The following KCNH7 variants were observed in gnomAD, a reference collection of about 807,000 sequenced individuals.
The protein encoded by KCNH7 is voltage-gated inwardly rectifying potassium channel KCNH7.
Under a neutral mutation model 120.8 loss-of-function variants are expected in KCNH7, and 49 were observed. The ratio of observed to expected loss-of-function variants is 0.41; its 90% CI spans 0.32 to 0.51. The LOEUF (loss-of-function observed/expected upper bound fraction) is 0.51. Among genes scored for constraint, KCNH7 ranks in the 20% least tolerant of loss-of-function variants. The pLI is 0.38. For synonymous variants in KCNH7, 547 were observed against 516.1 expected (o/e 1.06, Z -0.81); for missense variants, 1,097 against 1,446.6 (o/e 0.76, Z 3.92).
At chr2:162,629,318 T>C (rs930951810) in intron 2 of KCNH7, among the ~76,000 whole-genome samples, 2 of 151,974 alleles carry the variant, frequency 1.3e-5, no homozygotes, top group African/African-American at 4.8e-5. Context: ...GGCCATTACT[T>C]CCCCCACCAT....
At chr2:162,760,105 T>C (rs1688917368) in intron 2 of KCNH7, among the ~76,000 whole-genome samples, 1 of 152,158 alleles carries the variant, frequency 6.6e-6, no homozygotes, top group Non-Finnish European at 1.5e-5. Flanking sequence ...GTGTAGCTTA[T>C]GATAGCTAGC....
intron 6 of KCNH7, among the ~76,000 whole-genome samples, chr2:162,470,235 C>T (rs1689462606): frequency 6.6e-6 from 1 of 151,934 alleles, no homozygotes; most frequent in Non-Finnish European, 1.5e-5. Context: ...CCTCTCTGCC[C>T]GGCCGCCATC....
intron 2 of KCNH7, among the ~76,000 whole-genome samples, chr2:162,741,665 T>C (rs915045264): frequency 6.6e-6 from 1 of 152,148 alleles, no homozygotes; most frequent in Admixed American, 6.5e-5. Context: ...ATTTCCCTTT[T>C]AAGAAATATG....
At chr2:162,832,042 A>G (rs1685495940) in intron 2 of KCNH7, among the ~76,000 whole-genome samples, 2 of 152,192 alleles carry the variant, frequency 1.3e-5, no homozygotes, top group Non-Finnish European at 2.9e-5. Flanking sequence ...TCTGGATAAC[A>G]TTCAAAGTCC....
intron 4 of KCNH7, 53 bp downstream of exon 4, chr2:162,517,677 A>C: frequency 7.4e-7 from 1 of 1,348,310 alleles, no homozygotes; most frequent in African/African-American, 1.5e-5. Flanking sequence ...TATGCAAATA[A>C]TCATTTATTA....
In KCNH7 at chr2:162,428,019, A is replaced by G. The variant is rs182021666; in HGVS notation, c.1955-4484T>C. On this transcript the variant is annotated intron_variant, in intron 8 of 15. Transcript: ENST00000332142. Reference sequence around the variant, plus strand: ...TTTATTGACTTCTGCTCTTATATCTATTATTTCTTTTCTTCCAGTTGTATT... The same window carrying G: ...TTTATTGACTTCTGCTCTTATATCTGTTATTTCTTTTCTTCCAGTTGTATT... Among the ~76,000 whole-genome samples the G allele has an allele frequency of 4.9e-3, 740 of 151,450 alleles. 8 individuals carry two copies. The highest frequency in any genetic ancestry group is 0.017 in the African/African-American group (719 of 41,424).
chr2:162,567,068 T>C (rs1693280663), intron 2 of KCNH7, among the ~76,000 whole-genome samples: 1 of 151,978 alleles, frequency 6.6e-6, no homozygotes, highest in South Asian at 2.1e-4. Context: ...ATAAGACAAC[T>C]GAAAAAGTAA....
At chr2:162,550,716 T>A (rs998670172) in intron 2 of KCNH7, among the ~76,000 whole-genome samples, 1 of 152,062 alleles carries the variant, frequency 6.6e-6, no homozygotes, top group Admixed American at 6.6e-5. Context: ...CGTTTCAAAA[T>A]GTTTGAATCC....
chr2:162,380,130 G>T, intron 13 of KCNH7, 109 bp from the exon 14 acceptor site: 1 of 1,295,490 alleles, frequency 7.7e-7, no homozygotes, highest in Non-Finnish European at 1.1e-6. Context: ...TAACCTGAGA[G>T]ACAGAGAACC....
At chr2:162,456,753 T>C (rs921245147) in intron 6 of KCNH7, among the ~76,000 whole-genome samples, 4 of 152,130 alleles carry the variant, frequency 2.6e-5, no homozygotes, top group African/African-American at 9.7e-5. Context: ...TTTACCATTA[T>C]GTAATGCCCT....
At chr2:162,757,612 A>G (rs1189134819) in intron 2 of KCNH7, among the ~76,000 whole-genome samples, 1 of 152,166 alleles carries the variant, frequency 6.6e-6, no homozygotes, top group Non-Finnish European at 1.5e-5. Context: ...CAAGATTTCT[A>G]GGTAAAGGAA....
At chr2:162,555,241 G>A (rs1347713266) in intron 2 of KCNH7, among the ~76,000 whole-genome samples, 5 of 152,060 alleles carry the variant, frequency 3.3e-5, no homozygotes, top group East Asian at 1.9e-4. Context: ...GGAAACTCTC[G>A]GAAGTAAATC....
intron 2 of KCNH7, among the ~76,000 whole-genome samples, chr2:162,571,041 G>T (rs1377914884): frequency 6.6e-6 from 1 of 151,890 alleles, no homozygotes; most frequent in Non-Finnish European, 1.5e-5. Context: ...GGAAGTTCTG[G>T]CCAGGGCAAT....
At chr2:162,655,637 A>T (rs868032567) in intron 2 of KCNH7, among the ~76,000 whole-genome samples, 19 of 151,736 alleles carry the variant, frequency 1.3e-4, no homozygotes, top group Non-Finnish European at 2.4e-4. Flanking sequence ...ATAAAGAAAA[A>T]AAAAAATTAG....
At chr2:162,428,021 T>G (rs1394912890) in intron 8 of KCNH7, among the ~76,000 whole-genome samples, 1 of 151,796 alleles carries the variant, frequency 6.6e-6, no homozygotes. Flanking sequence ...TTATATCTAT[T>G]ATTTCTTTTC....
intron 15 of KCNH7, 149 bp downstream of exon 15, chr2:162,373,321 A>C: frequency 4.4e-6 from 2 of 450,070 alleles, no homozygotes; most frequent in Non-Finnish European, 7.8e-6. Flanking sequence ...TGCAGATTAC[A>C]GGGCCCATTT....
At chr2:162,804,378 T>A (rs2105550433) in intron 2 of KCNH7, among the ~76,000 whole-genome samples, 1 of 151,890 alleles carries the variant, frequency 6.6e-6, no homozygotes, top group East Asian at 1.9e-4. Context: ...TTCAGTAAAG[T>A]CTCAGGTTAA....
At chr2:162,471,831 CAAACT>C (rs1300024401) in intron 6 of KCNH7, among the ~76,000 whole-genome samples, 1 of 152,186 alleles carries the variant, frequency 6.6e-6, no homozygotes, top group Non-Finnish European at 1.5e-5. Context: ...TACCTGACTT[CAAACT>C]AAACTACAAG....
At chr2:162,569,770 C>T (rs1693397067) in intron 2 of KCNH7, among the ~76,000 whole-genome samples, 1 of 150,292 alleles carries the variant, frequency 6.7e-6, no homozygotes. Flanking sequence ...TTTATTTCTG[C>T]CTTCATTTCG....
Sources: gnomAD v4.1 joint callset for allele counts (sites outside exome capture counted in the v4.1 genomes callset) on GRCh38, gnomAD v4.1.1 for gene constraint, MANE v1.5 for transcripts, NCBI Gene and HGNC (gene_info 2026-07-23, HGNC 2026-07-21) for gene names.